Variants in NBEA observed in about 807,000 individuals in gnomAD.
NBEA encodes the protein neurobeachin.
Under a neutral mutation model 343.4 loss-of-function variants are expected in NBEA, and 44 were observed. The observed-to-expected ratio is 0.13, with a 90% CI of 0.10 to 0.16. The LOEUF (loss-of-function observed/expected upper bound fraction) is 0.16, where lower values mean the gene tolerates loss of function less well. Ranked by LOEUF, NBEA falls within the 10% of genes least tolerant of loss-of-function variation. The pLI, the probability that NBEA is intolerant of heterozygous loss-of-function variation, is 1.00. For synonymous variants in NBEA, 1,175 were observed against 1,238.7 expected (o/e 0.95, Z 1.08); for missense variants, 2,555 against 3,631.3 (o/e 0.70, Z 7.62).
intron 34 of NBEA, among the ~76,000 whole-genome samples, chr13:35,244,382 A>G (rs558078729): frequency 6.6e-6 from 1 of 151,982 alleles, no homozygotes; most frequent in East Asian, 1.9e-4. Flanking sequence ...TCCTTTCCCC[A>G]CTTTATGTTT....
intron 34 of NBEA, among the ~76,000 whole-genome samples, chr13:35,256,710 A>G (rs1275325072): frequency 6.6e-6 from 1 of 152,156 alleles, no homozygotes; most frequent in East Asian, 1.9e-4. Flanking sequence ...TAAGGCTGGC[A>G]TGTCAGCACC....
chr13:35,626,465 C>T (rs78012042), intron 48 of NBEA, among the ~76,000 whole-genome samples: 10,740 of 152,146 alleles, frequency 0.071, 462 homozygotes, highest in East Asian at 0.2. Context: ...TTAGTGGTAT[C>T]TATAAGATAT....
chr13:35,068,802 T>G (rs999510406), intron 8 of NBEA, among the ~76,000 whole-genome samples: 11 of 152,192 alleles, frequency 7.2e-5, no homozygotes, highest in African/African-American at 2.7e-4. Flanking sequence ...AAATTCAGAT[T>G]TCATGTTTCT....
chr13:35,426,926 G>A (rs868849845), intron 38 of NBEA, among the ~76,000 whole-genome samples: 8 of 152,050 alleles, frequency 5.3e-5, no homozygotes, highest in East Asian at 1.9e-4. Context: ...TGATCGCATC[G>A]GCTACTGAGG....
intron 41 of NBEA, among the ~76,000 whole-genome samples, chr13:35,503,255 T>G (rs1398226026): frequency 6.6e-6 from 1 of 151,568 alleles, no homozygotes; most frequent in Non-Finnish European, 1.5e-5. Flanking sequence ...TATAATAGTA[T>G]AAAAAATAAA....
intron 3 of NBEA, 57 bp downstream of exon 3, chr13:35,045,104 C>T (rs1385376965): frequency 1.4e-6 from 2 of 1,459,978 alleles, no homozygotes; most frequent in African/African-American, 2.8e-5. Context: ...ACTTAATGTT[C>T]AAAAGTTTGT....
intron 1 of NBEA, among the ~76,000 whole-genome samples, chr13:35,000,051 T>C (rs2061074809): frequency 1.3e-5 from 2 of 152,170 alleles, no homozygotes; most frequent in African/African-American, 4.8e-5. Flanking sequence ...GGTACAGTAA[T>C]ATCTTTAAGG....
intron 1 of NBEA, among the ~76,000 whole-genome samples, chr13:35,016,568 G>A (rs1170683680): frequency 6.9e-6 from 1 of 144,838 alleles, no homozygotes; most frequent in Non-Finnish European, 1.5e-5. Context: ...AAGCTCCACC[G>A]TCCTTCAGCT....
intron 1 of NBEA, among the ~76,000 whole-genome samples, chr13:35,034,241 A>T (rs1354332022): frequency 1.3e-5 from 2 of 151,916 alleles, no homozygotes; most frequent in African/African-American, 2.4e-5. Context: ...AATTTTATCA[A>T]ATGCTTCTTT....
At chr13:35,592,028 T>G (rs991315094) in intron 46 of NBEA, among the ~76,000 whole-genome samples, 3 of 152,036 alleles carry the variant, frequency 2.0e-5, no homozygotes, top group African/African-American at 7.2e-5. Context: ...TGTTATTTAA[T>G]CCTTTTAAAC....
intron 41 of NBEA, chr13:35,475,753 C>A (rs2075835447): frequency 6.2e-7 from 1 of 1,613,796 alleles, no homozygotes; most frequent in Non-Finnish European, 8.5e-7. Context: ...AAACCTGGAC[C>A]GGATTTTGCG....
At chr13:35,509,781 C>G (rs972532886) in intron 41 of NBEA, among the ~76,000 whole-genome samples, 1 of 152,052 alleles carries the variant, frequency 6.6e-6, no homozygotes, top group Admixed American at 6.6e-5. Context: ...GACTGACCGG[C>G]GAACAGTGCC....
chr13:35,098,056 T>TA (rs997493182), intron 10 of NBEA, among the ~76,000 whole-genome samples: 3 of 152,112 alleles, frequency 2.0e-5, no homozygotes, highest in South Asian at 2.1e-4. Context: ...CTTTGGAATG[T>TA]AAAAAAACTA....
chr13:35,667,451 C>T lies in NBEA; in HGVS notation c.8542C>T (p.Arg2848Cys), dbSNP rs200699050. 2.8e-5 allele frequency: 45 copies of T among 1,613,824 alleles called. No individual in the cohort carries two copies. Among genetic ancestry groups the T allele is most frequent in the African/African-American group, 2.0e-4 (15 of 74,926 alleles). The change falls in exon 57 of 59, where the codon CGC (arginine) becomes TGC (cysteine). Residue 2848 changes from arginine (R) to cysteine (C), a missense_variant. Transcript: ENST00000379939. Reference protein sequence around the residue: ...LEGPENCLFPRLISVSSEGHC... With the variant: ...LEGPENCLFPCLISVSSEGHC... ...AGGACCAGAAAACTGCTTATTCCCA[C>T]GCTTGATATCTGTCTCCAGCGAAGG...
In NBEA at chr13:35,025,963, A is replaced by AT. The variant is rs113441426; in HGVS notation, c.295-14960dup. Among the ~76,000 whole-genome samples the AT allele has an allele frequency of 9.0e-3, 1,349 of 149,698 alleles. 23 individuals carry two copies. Among genetic ancestry groups the AT allele is most frequent in the African/African-American group, 0.031 (1,263 of 40,856 alleles). On this transcript the variant is annotated intron_variant, in intron 1 of 58. Transcript: ENST00000379939. Reference sequence around the variant, plus strand: ...AGTGAACAAATTCTTTTGCATTTTGATTTTTTTTTTCTTGAAGTCTGATAT... The same window carrying AT: ...AGTGAACAAATTCTTTTGCATTTTGATTTTTTTTTTTCTTGAAGTCTGATAT...
At position 35,550,565 on chromosome 13, in the gene NBEA, C is replaced by G; in HGVS notation, c.6674C>G (p.Thr2225Ser). 6.2e-7 allele frequency: 1 copy of G among 1,612,654 alleles called. No homozygotes were observed. The highest frequency in any genetic ancestry group is 8.5e-7 in the Non-Finnish European group (1 of 1,178,908). The change falls in exon 42 of 59, where the codon ACT becomes AGT. Residue 2225 changes from threonine (T) to serine (S), a missense_variant. This residue lies in a region of NBEA where 246 missense variants were observed against 313.7 expected (regional missense o/e 0.78). Coordinates refer to ENST00000379939, the MANE Select transcript of NBEA (RefSeq NM_001385012.1). ...VFSRRYLLQN[T>S]ALEVFMANRT... ...TCAAGACGTTACCTTCTACAAAACA[C>G]TGCTTTGGAAGTATTTATGGCAAAC...
At chr13:34,985,470 T>C (rs2152510798) in intron 1 of NBEA, among the ~76,000 whole-genome samples, 1 of 151,208 alleles carries the variant, frequency 6.6e-6, no homozygotes, top group Middle Eastern at 3.4e-3. Context: ...TTTGCATCGA[T>C]GTTCATCAGG....
At chr13:35,584,777 G>T (rs9574177) in intron 46 of NBEA, among the ~76,000 whole-genome samples, 19,992 of 151,990 alleles carry the variant, frequency 0.13, 1,435 homozygotes, top group East Asian at 0.27. Context: ...TGGGATTACA[G>T]GCGTGAGCCA....
intron 41 of NBEA, among the ~76,000 whole-genome samples, chr13:35,530,929 T>C (rs2078232798): frequency 1.3e-5 from 2 of 152,224 alleles, no homozygotes; most frequent in Non-Finnish European, 2.9e-5. Flanking sequence ...TTTTGAGCTT[T>C]TAGGAAGCTG....
Sources: allele counts gnomAD v4.1 joint callset (sites outside exome capture counted in the v4.1 genomes callset), GRCh38; gene constraint gnomAD v4.1.1; regional missense constraint gnomAD v4.1.1; transcripts MANE v1.5; gene names NCBI Gene and HGNC (gene_info 2026-07-23, HGNC 2026-07-21).